PRNP: variants seen among roughly 807,000 people sequenced by gnomAD.
PRNP encodes major prion protein.
A neutral mutation model predicts 21.3 loss-of-function variants in PRNP; 15 were observed. The ratio of observed to expected loss-of-function variants is 0.71; its 90% confidence interval spans 0.47 to 1.09. The LOEUF is 1.09. Among genes scored for constraint, PRNP ranks in the 50% least tolerant of loss-of-function variants. The probability of loss-of-function intolerance (pLI) is 0.00; values close to 1 mark genes in which losing one functional copy is unlikely to be tolerated. For missense variants in PRNP, 285 were observed against 340.9 expected, an observed-to-expected ratio of 0.84 and a Z score of 1.29; for synonymous variants, 121 against 123.1, an observed-to-expected ratio of 0.98 and a Z score of 0.11.
At position 4,698,659 on chromosome 20, in the gene PRNP, ACTAACTTCAG is replaced by A. The variant is rs1922319893; in HGVS notation, c.-10-551_-10-542del. 2.0e-5 allele frequency among the ~76,000 whole-genome samples: 3 copies of A among 152,198 alleles called. No individual in the cohort carries two copies. The South Asian group carries it at 6.2e-4, about 32-fold the overall frequency. Reference sequence around the variant, plus strand: ...AGATCATCCCAGCACTGAGGACAAGACTAACTTCAGTGTTCCAGTATATGCCATTATAGGT... The same window carrying A: ...AGATCATCCCAGCACTGAGGACAAGATGTTCCAGTATATGCCATTATAGGT... On this transcript the variant is annotated intron_variant, in intron 1 of 1. Coordinates refer to ENST00000379440, the MANE Select transcript of PRNP (RefSeq NM_000311.5).
intron 1 of PRNP, among the ~76,000 whole-genome samples, chr20:4,698,197 G>A (rs942652580): frequency 6.6e-6 from 1 of 152,132 alleles, no homozygotes; most frequent in Admixed American, 6.5e-5. Flanking sequence ...TAACTGGCAT[G>A]ACCTGAGTAC....
At chr20:4,693,723 C>A (rs1038888614) in intron 1 of PRNP, among the ~76,000 whole-genome samples, 3 of 152,092 alleles carry the variant, frequency 2.0e-5, no homozygotes, top group Non-Finnish European at 4.4e-5. Context: ...CAATTCTTGA[C>A]CCTTAGAATT....
In PRNP at chr20:4,699,975, T is replaced by C. The variant is rs2122231287; in HGVS notation, c.755T>C (p.Val252Ala). 2.5e-6 allele frequency: 4 copies of C among 1,610,088 alleles called. No homozygotes were observed. The highest frequency in any genetic ancestry group is 2.5e-6 in the Non-Finnish European group (3 of 1,178,040). Residue 252 changes from valine (V) to alanine (A), a missense_variant, in exon 2 of 2, where the codon GTG (valine) becomes GCG (alanine). Val to Ala is a moderately conservative substitution (Grantham distance 64, BLOSUM62 0). Coordinates refer to ENST00000379440, the MANE Select transcript of PRNP (RefSeq NM_000311.5). The surrounding 1 kb of genome is among the most constrained non-coding windows in gnomAD (Gnocchi z 5.8). ...LLISFLIFLI[V>A]G ...ATCTCTTTCCTCATCTTCCTGATAG[T>C]GGGATGAGGAAGGTCTTCCTGTTTT...
At chr20:4,695,817 G>C (rs972556820) in intron 1 of PRNP, among the ~76,000 whole-genome samples, 1 of 152,208 alleles carries the variant, frequency 6.6e-6, no homozygotes, top group African/African-American at 2.4e-5. Context: ...TCACATGTAA[G>C]TCTTGGATCC....
At position 4,686,604 on chromosome 20, in the gene PRNP, G is replaced by T. The variant is rs1921449203; in HGVS notation, c.-11+92G>T. ...CGGGCCTCGGGTCCCAGGCGCAAGG[G>T]TGCCCGGCCGGGCGGGGTCGGGACC... On this transcript the variant is annotated intron_variant, in intron 1 of 1. Coordinates refer to ENST00000379440, the MANE Select transcript of PRNP (RefSeq NM_000311.5). This position sits in a 1 kb window ranked among gnomAD's most constrained non-coding sequence, Gnocchi z 6.7. 6.6e-6 allele frequency: 1 copy of T among 151,850 alleles called. No individual in the cohort carries two copies. Among genetic ancestry groups the T allele is most frequent in the Non-Finnish European group, 1.5e-5 (1 of 67,942 alleles). The allele number at this position is 151,850 out of a possible 1,614,324, so 9.4% of individuals were successfully genotyped here. A position where few individuals can be genotyped will look rare whatever the true frequency, so the allele number is the denominator to read the frequency against.
chr20:4,687,589 ATT>A (rs11477771), intron 1 of PRNP, among the ~76,000 whole-genome samples: 11 of 151,154 alleles, frequency 7.3e-5, no homozygotes, highest in African/African-American at 2.2e-4. Flanking sequence ...TAGGAAATAG[ATT>A]TTTTTTTTAA....
In PRNP at chr20:4,701,246, A is replaced by ATT; in HGVS notation, c.*1265_*1266dup. The ATT allele has an allele frequency of 6.0e-6, 1 of 167,174 alleles. No homozygotes were observed. The highest frequency in any genetic ancestry group is 2.4e-5 in the African/African-American group (1 of 41,574). The allele number at this position is 167,174 out of a possible 1,614,324, so 10.4% of individuals were successfully genotyped here. A position where few individuals can be genotyped will look rare whatever the true frequency, so the allele number is the denominator to read the frequency against. On this transcript the variant is annotated 3_prime_UTR_variant, in exon 2 of 2. Transcript: ENST00000379440. This position sits in a 1 kb window ranked among gnomAD's most constrained non-coding sequence, Gnocchi z 4.2. ...TATTATTGGCTTGCACTTTGTGAGT[A>ATT]TTCTATGTAAAAATATATATGTATA...
At position 4,699,786 on chromosome 20, in the gene PRNP, TCAC is replaced by T; in HGVS notation, c.570_572del (p.Thr193del). The T allele has an allele frequency of 6.2e-7, 1 of 1,613,886 alleles. No homozygotes were observed. Among genetic ancestry groups the T allele is most frequent in the Non-Finnish European group, 8.5e-7 (1 of 1,179,972 alleles). Reference sequence around the variant, plus strand: ...AATATCACAATCAAGCAGCACACGGTCACCACAACCACCAAGGGGGAGAACTTC... The same window carrying T: ...AATATCACAATCAAGCAGCACACGGTCACAACCACCAAGGGGGAGAACTTC... On this transcript the variant is annotated inframe_deletion, in exon 2 of 2. Transcript: ENST00000379440. The surrounding 1 kb of genome is among the most constrained non-coding windows in gnomAD (Gnocchi z 5.8).
chr20:4,687,183 T>C (rs35519959), intron 1 of PRNP, among the ~76,000 whole-genome samples: 71,147 of 151,954 alleles, frequency 0.47, 17,888 homozygotes, highest in African/African-American at 0.66. Flanking sequence ...CGAGGGGGGC[T>C]GCAGCCTTGC....
At position 4,701,303 on chromosome 20, in the gene PRNP, AGTTTT is replaced by A. The variant is rs1922593939; in HGVS notation, c.*1326_*1330del. ...ATATATTGCATAGGACAGACTTAGG[AGTTTT>A]GTTTAGAGCAGTTAACATCTGAAGT... On this transcript the variant is annotated 3_prime_UTR_variant, in exon 2 of 2. Coordinates refer to ENST00000379440, the MANE Select transcript of PRNP (RefSeq NM_000311.5). This position sits in a 1 kb window ranked among gnomAD's most constrained non-coding sequence, Gnocchi z 4.2. The A allele has an allele frequency of 6.0e-6, 1 of 166,956 alleles. No homozygotes were observed. Among genetic ancestry groups the A allele is most frequent in the Admixed American group, 6.5e-5 (1 of 15,272 alleles). The allele number at this position is 166,956 out of a possible 1,614,324, so 10.3% of individuals were successfully genotyped here.
At chr20:4,692,313 T>G (rs998949471) in intron 1 of PRNP, among the ~76,000 whole-genome samples, 3 of 152,246 alleles carry the variant, frequency 2.0e-5, no homozygotes, top group African/African-American at 7.2e-5. Flanking sequence ...CATGAAATGT[T>G]TAACTACAGC....
intron 1 of PRNP, among the ~76,000 whole-genome samples, chr20:4,689,987 C>T (rs1486457507): frequency 6.6e-6 from 1 of 152,120 alleles, no homozygotes; most frequent in Admixed American, 6.5e-5. Context: ...CAAATCCCAT[C>T]GCTAGGCACT....
At chr20:4,694,505 A>G (rs1040421590) in intron 1 of PRNP, among the ~76,000 whole-genome samples, 1 of 152,222 alleles carries the variant, frequency 6.6e-6, no homozygotes, top group Non-Finnish European at 1.5e-5. Context: ...AAAGTAATTT[A>G]TTAACCTTTT....
chr20:4,694,653 A>T (rs1285579212), intron 1 of PRNP, among the ~76,000 whole-genome samples: 1 of 151,530 alleles, frequency 6.6e-6, no homozygotes, highest in Non-Finnish European at 1.5e-5. Flanking sequence ...TTCGATTTTC[A>T]TCTCTATTAT....
chr20:4,696,574 A>G (rs1033316211), intron 1 of PRNP, among the ~76,000 whole-genome samples: 8 of 152,180 alleles, frequency 5.3e-5, no homozygotes, highest in African/African-American at 1.9e-4. Context: ...TGTCAGCTAG[A>G]GCACTTTCCT....
intron 1 of PRNP, among the ~76,000 whole-genome samples, chr20:4,689,184 G>A (rs1921667609): frequency 6.6e-6 from 1 of 152,132 alleles, no homozygotes; most frequent in Non-Finnish European, 1.5e-5. Context: ...CCATGTCTGA[G>A]CTTTCCGTCT....
chr20:4,696,099 A>C (rs555164256), intron 1 of PRNP, among the ~76,000 whole-genome samples: 2 of 145,148 alleles, frequency 1.4e-5, no homozygotes, highest in South Asian at 4.4e-4. Flanking sequence ...TCCTCTTTAC[A>C]CTTTTTTTTT....
At chr20:4,695,696 A>G (rs1052827477) in intron 1 of PRNP, among the ~76,000 whole-genome samples, 1 of 152,132 alleles carries the variant, frequency 6.6e-6, no homozygotes, top group African/African-American at 2.4e-5. Flanking sequence ...TTCATCAATT[A>G]TTTGCCTTAT....
chr20:4,699,294 G>A lies in PRNP; in HGVS notation c.74G>A (p.Arg25His), dbSNP rs146939732. 9 of 1,613,972 alleles carry A rather than the reference G, an allele frequency of 5.6e-6. No homozygotes were observed. Among genetic ancestry groups the A allele is most frequent in the African/African-American group, 5.3e-5 (4 of 74,930 alleles). Residue 25 changes from arginine (R) to histidine (H), a missense_variant, in exon 2 of 2, where the codon CGC (arginine) becomes CAC (histidine). Transcript: ENST00000379440. The surrounding 1 kb of genome is among the most constrained non-coding windows in gnomAD (Gnocchi z 5.8). ...AGTGACCTGGGCCTCTGCAAGAAGC[G>A]CCCGAAGCCTGGAGGATGGAACACT... is the stretch of plus-strand genomic sequence containing the variant. The part of the protein sequence containing the change: ...TWSDLGLCKK[R>H]PKPGGWNTGG...
Sources: gnomAD v4.1 joint callset for allele counts (sites outside exome capture counted in the v4.1 genomes callset) on GRCh38, gnomAD v4.1.1 for gene constraint, Gnocchi (gnomAD v3.1) non-coding constraint, MANE v1.5 for transcripts, NCBI Gene and HGNC (gene_info 2026-07-23, HGNC 2026-07-21) for gene names.